CAD: variants seen among roughly 807,000 people sequenced by gnomAD.
The protein encoded by CAD is carbamoyl-phosphate synthetase 2, aspartate transcarbamylase, and dihydroorotase.
A neutral mutation model predicts 237.2 loss-of-function variants in CAD; 81 were observed. That is an observed-to-expected ratio of 0.34 (90% confidence interval 0.29 to 0.41). CAD has a LOEUF of 0.41. Among genes scored for constraint, CAD ranks in the 10% least tolerant of loss-of-function variants. CAD has a pLI of 1.00. For synonymous variants in CAD, 1,196 were observed against 1,162.8 expected, an observed-to-expected ratio of 1.03 and a Z score of -0.58; for missense variants, 2,181 against 2,951.7, an observed-to-expected ratio of 0.74 and a Z score of 6.05.
chr2:27,241,799 C>T lies in CAD; in HGVS notation c.5884-112C>T. On this transcript the variant is annotated intron_variant, in intron 38 of 43. Coordinates refer to ENST00000264705, the MANE Select transcript of CAD (RefSeq NM_004341.5). This position sits in a 1 kb window ranked among gnomAD's most constrained non-coding sequence, Gnocchi z 4.6. Reference sequence around the variant, plus strand: ...ACAGGTCACAGGGGAGGTTTGGGTGCAGAAGGGTCCTCACAGCACCCCTCA... The same window carrying T: ...ACAGGTCACAGGGGAGGTTTGGGTGTAGAAGGGTCCTCACAGCACCCCTCA... 2.5e-6 allele frequency: 2 copies of T among 804,632 alleles called. No homozygotes were observed. Among genetic ancestry groups the T allele is most frequent in the Non-Finnish European group, 4.1e-6 (2 of 491,210 alleles). 49.8% of individuals were successfully genotyped at this position (804,632 alleles called of 1,614,324 possible).
At position 27,235,201 on chromosome 2, in the gene CAD, T is replaced by C. The variant is rs747608958; in HGVS notation, c.3787-44T>C. 2 of 1,519,590 alleles carry C rather than the reference T, an allele frequency of 1.3e-6. No individual in the cohort carries two copies. Among genetic ancestry groups the C allele is most frequent in the South Asian group, 2.5e-5 (2 of 80,054 alleles). The allele number at this position is 1,519,590 out of a possible 1,614,324, so 94.1% of individuals were successfully genotyped here. A position where few individuals can be genotyped will look rare whatever the true frequency, so the allele number is the denominator to read the frequency against. ...CCGTCTCTGCTGGTGAGGGAGGAGG[T>C]CCTCTCACACCTTGGCCCTCTCTCT... On this transcript the variant is annotated intron_variant, in intron 23 of 43. Coordinates refer to ENST00000264705, the MANE Select transcript of CAD (RefSeq NM_004341.5). This position sits in a 1 kb window ranked among gnomAD's most constrained non-coding sequence, Gnocchi z 5.2.
intron 22 of CAD, 23 bp downstream of exon 22, chr2:27,234,249 C>A: frequency 6.3e-7 from 1 of 1,594,384 alleles, no homozygotes; most frequent in Non-Finnish European, 8.6e-7. Context: ...AAGGAAAGAA[C>A]TAAAGGGCCA....
At chr2:27,238,916 G>GA (rs1162180754) in intron 31 of CAD, 126 bp from the exon 32 acceptor site, 46 of 970,542 alleles carry the variant, frequency 4.7e-5, no homozygotes, top group Admixed American at 1.5e-4. Flanking sequence ...CTAGTTCCCA[G>GA]AAAAAATGAG....
At position 27,217,513 on chromosome 2, in the gene CAD, G is replaced by A; in HGVS notation, c.-39G>A. On this transcript the variant is annotated 5_prime_UTR_variant, in exon 1 of 44. Transcript: ENST00000264705. Reference sequence around the variant, plus strand: ...TCCAGTGGAGTTTGCAGTCCTTCCCGCTTCTCCGTACTCGCCCCCGCCTCT... The same window carrying A: ...TCCAGTGGAGTTTGCAGTCCTTCCCACTTCTCCGTACTCGCCCCCGCCTCT... The A allele has an allele frequency of 6.5e-7, 1 of 1,536,684 alleles. No homozygotes were observed. Among genetic ancestry groups the A allele is most frequent in the South Asian group, 1.2e-5 (1 of 85,078 alleles).
chr2:27,230,585 C>T lies in CAD; in HGVS notation c.2288-883C>T, dbSNP rs147320189. ...AGGTTGCAGTGAGTCGAGACCGTGC[C>T]ATTGCATTCCAGCCTGGGCAACAAG... On this transcript the variant is annotated intron_variant, in intron 15 of 43. Transcript: ENST00000264705. Among the ~76,000 whole-genome samples, 1,069 of 151,886 alleles carry T rather than the reference C, an allele frequency of 7.0e-3. 5 individuals are homozygous for T. Among genetic ancestry groups the T allele is most frequent in the Middle Eastern group, 0.02 (6 of 294 alleles).
chr2:27,238,909 G>A, intron 31 of CAD, 133 bp from the exon 32 acceptor site: 8 of 919,062 alleles, frequency 8.7e-6, no homozygotes, highest in Non-Finnish European at 1.3e-5. Flanking sequence ...CTTGTTTCTA[G>A]TTCCCAGAAA....
chr2:27,237,416 T>G lies in CAD; in HGVS notation c.4434T>G (p.Gly1478=). 1 of 1,614,186 alleles carries G rather than the reference T, an allele frequency of 6.2e-7. No individual in the cohort carries two copies. Among genetic ancestry groups the G allele is most frequent in the Non-Finnish European group, 8.5e-7 (1 of 1,180,010 alleles). Residue 1478 remains glycine (G), a synonymous_variant, in exon 28 of 44, where the codon GGT becomes GGG. Transcript: ENST00000264705. This position sits in a 1 kb window ranked among gnomAD's most constrained non-coding sequence, Gnocchi z 4.0. ...IDVHVHLREP[G]GTHKEDFASG... is the part of the protein sequence containing the mutation. Reference sequence around the variant, plus strand: ...TCCATGTGCACCTGCGGGAACCAGGTGGGACACATAAGGAGGACTTTGCTT... The same window carrying G: ...TCCATGTGCACCTGCGGGAACCAGGGGGGACACATAAGGAGGACTTTGCTT...
chr2:27,237,311 A>G lies in CAD; in HGVS notation c.4397-68A>G. 6.5e-7 allele frequency: 1 copy of G among 1,530,578 alleles called. No individual in the cohort carries two copies. The highest frequency in any genetic ancestry group is 2.3e-5 in the East Asian group (1 of 44,436). 94.8% of individuals were successfully genotyped at this position (1,530,578 alleles called of 1,614,324 possible). Reference sequence around the variant, plus strand: ...AGTGCTAGGATTACAGGCGTGAGCCACCATGTCCAGCTCACCCTTCCTATT... The same window carrying G: ...AGTGCTAGGATTACAGGCGTGAGCCGCCATGTCCAGCTCACCCTTCCTATT... On this transcript the variant is annotated intron_variant, in intron 27 of 43. Transcript: ENST00000264705. This position sits in a 1 kb window ranked among gnomAD's most constrained non-coding sequence, Gnocchi z 4.0.
intron 15 of CAD, among the ~76,000 whole-genome samples, chr2:27,229,531 A>G (rs765276045): frequency 1.3e-5 from 2 of 152,058 alleles, no homozygotes; most frequent in Non-Finnish European, 1.5e-5. Flanking sequence ...TCAGCCTTCC[A>G]AAGTGTTGGA....
At chr2:27,220,700 G>A (rs1675116105) in intron 2 of CAD, among the ~76,000 whole-genome samples, 2 of 151,546 alleles carry the variant, frequency 1.3e-5, no homozygotes, top group African/African-American at 4.8e-5. Context: ...GCTCACTCCT[G>A]TAATCCCAGC....
Position 27,225,034 on chromosome 2 carries a change from G to A in CAD, c.1411G>A (p.Gly471Ser), listed in dbSNP as rs779917471. ...TQVIRNERPD[G>S]VLLTFGGQTA... ...GGTGATACGTAATGAACGCCCCGAT[G>A]GTGTGTTACTGACTTTTGGGGGCCA... The change falls in exon 11 of 44, where the codon GGT (glycine) becomes AGT (serine). Residue 471 changes from glycine to serine, a missense_variant. Transcript: ENST00000264705. 7.4e-6 allele frequency: 12 copies of A among 1,611,164 alleles called. No individual in the cohort carries two copies. Among genetic ancestry groups the A allele is most frequent in the Non-Finnish European group, 1.0e-5 (12 of 1,177,614 alleles).
In CAD at chr2:27,235,982, G is replaced by T; in HGVS notation, c.4075-302G>T. 2.0e-6 allele frequency: 1 copy of T among 496,588 alleles called. No homozygotes were observed. Among genetic ancestry groups the T allele is most frequent in the Non-Finnish European group, 3.6e-6 (1 of 280,476 alleles). 30.8% of individuals were successfully genotyped at this position (496,588 alleles called of 1,614,324 possible). A position where few individuals can be genotyped will look rare whatever the true frequency, so the allele number is the denominator to read the frequency against. On this transcript the variant is annotated intron_variant, in intron 25 of 43. Coordinates refer to ENST00000264705, the MANE Select transcript of CAD (RefSeq NM_004341.5). This position sits in a 1 kb window ranked among gnomAD's most constrained non-coding sequence, Gnocchi z 5.2. ...AAGCAGAATACACAGGAAGCAAAGA[G>T]AAAAGTCTCTTAAAATCTCTGTACC...
chr2:27,231,731 A>C (rs1317128630), intron 16 of CAD, 151 bp downstream of exon 16: 2 of 668,868 alleles, frequency 3.0e-6, no homozygotes, highest in African/African-American at 3.6e-5. Context: ...GAGATGTCTC[A>C]TTAGCACGCA....
chr2:27,227,442 T>C (rs1675493521), intron 15 of CAD: 1 of 157,006 alleles, frequency 6.4e-6, no homozygotes, highest in African/African-American at 2.4e-5. Flanking sequence ...AACAAAAATA[T>C]ACGTGTACCA....
rs767510674 is a variant in CAD, at chr2:27,225,746, G to T, written c.1662G>T (p.Val554=). 33 of 1,614,076 alleles carry T rather than the reference G, an allele frequency of 2.0e-5. No individual in the cohort carries two copies. In the African/African-American group the frequency reaches 4.0e-4, roughly 20 times the overall value. The change falls in exon 12 of 44, where the codon GTG becomes GTT. Residue 554 remains valine (V), a synonymous_variant. Transcript: ENST00000264705. ...AAERLGYPVL[V]RAAFALGGLG... ...AACGGCTGGGGTACCCTGTGCTAGT[G>T]CGTGCAGCCTTTGCCCTGGGTGGCC...
At chr2:27,225,549 A>ACACCCCC (rs565196273) in intron 11 of CAD, among the ~76,000 whole-genome samples, 156 bp from the exon 12 acceptor site, 1 of 145,408 alleles carries the variant, frequency 6.9e-6, no homozygotes, top group Non-Finnish European at 1.5e-5. Flanking sequence ...CAGGTGATCC[A>ACACCCCC]CCCCCCCGAC....
At chr2:27,225,989 G>T in intron 12 of CAD, 63 bp downstream of exon 12, 1 of 1,550,590 alleles carries the variant, frequency 6.4e-7, no homozygotes, top group Non-Finnish European at 8.9e-7. Context: ...AAGAGCAGAG[G>T]CCCAGGCCAA....
At chr2:27,238,353 G>A in intron 30 of CAD, 78 bp from the exon 31 acceptor site, 1 of 1,467,986 alleles carries the variant, frequency 6.8e-7, no homozygotes, top group Non-Finnish European at 9.3e-7. Context: ...TTTTGAGCAG[G>A]GATGTTGGCC....
chr2:27,228,909 CTT>C (rs1236993462), intron 15 of CAD, among the ~76,000 whole-genome samples: 3 of 133,172 alleles, frequency 2.3e-5, no homozygotes, highest in African/African-American at 8.2e-5. Flanking sequence ...TTTTTCTTTT[CTT>C]TTTTTTTTTT....
Sources: allele counts gnomAD v4.1 joint callset (sites outside exome capture counted in the v4.1 genomes callset), GRCh38; gene constraint gnomAD v4.1.1; non-coding constraint Gnocchi (gnomAD v3.1); transcripts MANE v1.5; gene names NCBI Gene and HGNC (gene_info 2026-07-23, HGNC 2026-07-21).